Variants in IDNK observed in about 807,000 individuals in gnomAD.
The protein encoded by IDNK is gluconokinase.
A neutral mutation model predicts 13.0 loss-of-function variants in IDNK; 9 were observed. The observed-to-expected ratio is 0.69, with a 90% CI of 0.42 to 1.21. The LOEUF (loss-of-function observed/expected upper bound fraction) is 1.21, where lower values mean the gene tolerates loss of function less well. Ranked by LOEUF, IDNK falls within the 50% of genes most tolerant of loss-of-function variation. The probability of loss-of-function intolerance (pLI) is 0.00; values close to 1 mark genes in which losing one functional copy is unlikely to be tolerated. For missense variants in IDNK, 210 were observed against 237.8 expected (o/e 0.88, Z 0.77); for synonymous variants, 92 against 94.9 (o/e 0.97, Z 0.18).
At chr9:83,623,947 G>A (rs1363145860) in intron 1 of IDNK, among the ~76,000 whole-genome samples, 1 of 152,134 alleles carries the variant, frequency 6.6e-6, no homozygotes, top group Admixed American at 6.5e-5. Context: ...AGGCAGCAAA[G>A]GACAGAACTT....
intron 3 of IDNK, among the ~76,000 whole-genome samples, chr9:83,637,792 C>T (rs1430939337): frequency 2.0e-5 from 3 of 152,140 alleles, no homozygotes; most frequent in Non-Finnish European, 2.9e-5. Context: ...GAGTATCTTA[C>T]ATAAAGTCTT....
chr9:83,641,369 G>GA (rs762799553), intron 3 of IDNK, among the ~76,000 whole-genome samples, 179 bp from the exon 4 acceptor site: 1 of 152,196 alleles, frequency 6.6e-6, no homozygotes, highest in Non-Finnish European at 1.5e-5. Context: ...GACACCAGCT[G>GA]AAAGAAAATG....
chr9:83,638,921 G>T (rs1470954047), intron 3 of IDNK, among the ~76,000 whole-genome samples: 1 of 152,104 alleles, frequency 6.6e-6, no homozygotes, highest in Non-Finnish European at 1.5e-5. Flanking sequence ...GTAGACAAAA[G>T]AAATTATTAG....
At chr9:83,623,905 C>G (rs982944877) in intron 1 of IDNK, among the ~76,000 whole-genome samples, 1 of 152,168 alleles carries the variant, frequency 6.6e-6, no homozygotes, top group African/African-American at 2.4e-5. Context: ...TGCCCTTTAT[C>G]AGAAAAGACA....
At chr9:83,626,471 C>T (rs767055895) in intron 1 of IDNK, 7 of 357,368 alleles carry the variant, frequency 2.0e-5, no homozygotes, top group South Asian at 1.4e-4. Flanking sequence ...GGCTGGAGTA[C>T]AGTGGCGTGA....
At chr9:83,626,456 G>A (rs12379187) in intron 1 of IDNK, 4,056 of 314,060 alleles carry the variant, frequency 0.013, 58 homozygotes, top group South Asian at 0.025. Flanking sequence ...TCACTCTGTC[G>A]CCCAGGCTGG....
chr9:83,643,462 C>A lies in IDNK; in HGVS notation c.246C>A (p.Ala82=), dbSNP rs1480206991. ...DVASGQRVVL[A]CSALKKTYRD... is the part of the protein sequence containing the mutation. The stretch of plus-strand genomic sequence containing the variant: ...CCTCGGGACAGCGTGTGGTTCTAGC[C>A]TGTTCAGCCCTGAAGAAAACGTACA... The change falls in exon 5 of 5, where the codon GCC becomes GCA. Residue 82 remains alanine, a synonymous_variant. Coordinates refer to ENST00000376419, the MANE Select transcript of IDNK (RefSeq NM_001001551.4). The A allele has an allele frequency of 6.2e-7, 1 of 1,613,516 alleles. No individual in the cohort carries two copies. Among genetic ancestry groups the A allele is most frequent in the African/African-American group, 1.3e-5 (1 of 74,886 alleles).
chr9:83,636,323 G>A (rs1416236544), intron 3 of IDNK, among the ~76,000 whole-genome samples: 6 of 152,130 alleles, frequency 3.9e-5, no homozygotes, highest in Admixed American at 3.9e-4. Context: ...GCTTGAAAGG[G>A]CAGCTTCTCC....
At chr9:83,643,276 C>T (rs1203769670) in intron 4 of IDNK, among the ~76,000 whole-genome samples, 153 bp from the exon 5 acceptor site, 1 of 152,140 alleles carries the variant, frequency 6.6e-6, no homozygotes, top group Admixed American at 6.5e-5. Flanking sequence ...ATATTTAACT[C>T]GATGCTAGGA....
At chr9:83,637,980 G>A (rs988135513) in intron 3 of IDNK, among the ~76,000 whole-genome samples, 2 of 152,006 alleles carry the variant, frequency 1.3e-5, no homozygotes, top group Non-Finnish European at 1.5e-5. Context: ...CCTGAGCTCC[G>A]GCTACACCCA....
At chr9:83,625,018 G>A (rs971182609) in intron 1 of IDNK, among the ~76,000 whole-genome samples, 2 of 152,160 alleles carry the variant, frequency 1.3e-5, no homozygotes, top group African/African-American at 4.8e-5. Flanking sequence ...CCCAGCTAAG[G>A]CTTGGCTTCT....
Position 83,644,055 on chromosome 9 carries a change from A to G in IDNK, c.*275A>G, listed in dbSNP as rs1831390829. 5.5e-6 allele frequency: 2 copies of G among 364,810 alleles called. No individual in the cohort carries two copies. Among genetic ancestry groups the G allele is most frequent in the Non-Finnish European group, 1.0e-5 (2 of 196,960 alleles). 22.6% of individuals were successfully genotyped at this position (364,810 alleles called of 1,614,324 possible). A position where few individuals can be genotyped will look rare whatever the true frequency, so the allele number is the denominator to read the frequency against. ...AGGAAATTCTGTAATCAATGCTGGA[A>G]ATCGTTACATTGTTTAGAACATTCT... On this transcript the variant is annotated 3_prime_UTR_variant, in exon 5 of 5. Coordinates refer to ENST00000376419, the MANE Select transcript of IDNK (RefSeq NM_001001551.4).
intron 3 of IDNK, 104 bp from the exon 4 acceptor site, chr9:83,641,444 G>A (rs997286611): frequency 4.5e-6 from 6 of 1,319,964 alleles, no homozygotes; most frequent in Admixed American, 1.7e-5. Context: ...CTGAGCTCTC[G>A]CTGGACCTTA....
In IDNK at chr9:83,643,944, T is replaced by C. The variant is rs562189306; in HGVS notation, c.*164T>C. 7 of 566,938 alleles carry C rather than the reference T, an allele frequency of 1.2e-5. No homozygotes were observed. The highest frequency in any genetic ancestry group is 1.1e-4 in the African/African-American group (6 of 53,232). 35.1% of individuals were successfully genotyped at this position (566,938 alleles called of 1,614,324 possible). A position where few individuals can be genotyped will look rare whatever the true frequency, so the allele number is the denominator to read the frequency against. ...TTAGGTGTAATTTTAGGAATTATGC[T>C]GGTTCATCAGGAAGCAGAGGGGGAG... On this transcript the variant is annotated 3_prime_UTR_variant, in exon 5 of 5. Coordinates refer to ENST00000376419, the MANE Select transcript of IDNK (RefSeq NM_001001551.4).
chr9:83,623,239 C>T lies in IDNK; in HGVS notation c.50+18C>T, dbSNP rs1830749374. The T allele has an allele frequency of 3.6e-6, 5 of 1,386,170 alleles. No individual in the cohort carries two copies. The highest frequency in any genetic ancestry group is 3.7e-6 in the Non-Finnish European group (4 of 1,072,086). 85.9% of individuals were successfully genotyped at this position (1,386,170 alleles called of 1,614,324 possible). On this transcript the variant is annotated intron_variant, in intron 1 of 4. Transcript: ENST00000376419. ...TCGGGGAAGTAGGTCCGGGAGAGGG[C>T]GGGGGGCGCCCGGGACAAGTGTTGC... is the stretch of plus-strand genomic sequence containing the variant.
At chr9:83,631,923 T>C (rs1246341750) in intron 3 of IDNK, among the ~76,000 whole-genome samples, 3 of 152,074 alleles carry the variant, frequency 2.0e-5, no homozygotes, top group South Asian at 2.1e-4. Context: ...GGCACCTGAA[T>C]AGTCTTCAAC....
In IDNK at chr9:83,628,976, G is replaced by A. The variant is rs1830938514; in HGVS notation, c.168+17G>A. 1.3e-6 allele frequency: 2 copies of A among 1,599,272 alleles called. No homozygotes were observed. The highest frequency in any genetic ancestry group is 1.7e-6 in the Non-Finnish European group (2 of 1,166,562). On this transcript the variant is annotated intron_variant, in intron 3 of 4. Transcript: ENST00000376419. ...AATGACCAGGTAACAATTGCTGTCT[G>A]TGTCCATCACACATATTCCACCTGG... is the stretch of plus-strand genomic sequence containing the variant.
intron 3 of IDNK, among the ~76,000 whole-genome samples, chr9:83,634,909 C>T (rs1345841717): frequency 3.3e-5 from 5 of 152,160 alleles, no homozygotes; most frequent in Non-Finnish European, 7.4e-5. Flanking sequence ...ATTCATAGTT[C>T]GAATTGCCCC....
intron 3 of IDNK, among the ~76,000 whole-genome samples, chr9:83,630,686 G>A (rs1830985882): frequency 6.6e-6 from 1 of 152,196 alleles, no homozygotes; most frequent in African/African-American, 2.4e-5. Flanking sequence ...CTGTGCCAGT[G>A]TTATTTTAGG....
Sources: gnomAD v4.1 joint callset for allele counts (sites outside exome capture counted in the v4.1 genomes callset) on GRCh38, gnomAD v4.1.1 for gene constraint, MANE v1.5 for transcripts, NCBI Gene and HGNC (gene_info 2026-07-23, HGNC 2026-07-21) for gene names.